LIPA: variants seen among roughly 807,000 people sequenced by gnomAD.
LIPA encodes the protein lipase A, lysosomal acid type.
LIPA carries 26 observed loss-of-function variants against 40.6 expected under a neutral mutation model. That is an observed-to-expected ratio of 0.64 (90% confidence interval 0.47 to 0.89). The LOEUF (loss-of-function observed/expected upper bound fraction) is 0.89, where lower values mean the gene tolerates loss of function less well. Ranked by LOEUF, LIPA falls within the 40% of genes least tolerant of loss-of-function variation. LIPA has a pLI of 0.00. For missense variants in LIPA, 455 were observed against 479.6 expected (o/e 0.95, Z 0.48); for synonymous variants, 188 against 168.4 (o/e 1.12, Z -0.90).
intron 1 of LIPA, among the ~76,000 whole-genome samples, chr10:89,251,447 C>A (rs1037756271): frequency 1.3e-5 from 2 of 152,212 alleles, no homozygotes; most frequent in Non-Finnish European, 2.9e-5. Context: ...CACTGGGCAG[C>A]TTCACTGACC....
At chr10:89,218,132 A>G (rs1010499190) in intron 8 of LIPA, among the ~76,000 whole-genome samples, 2 of 152,234 alleles carry the variant, frequency 1.3e-5, no homozygotes, top group African/African-American at 2.4e-5. Context: ...ACCGTTTTAA[A>G]ATGACATTTA....
intron 2 of LIPA, among the ~76,000 whole-genome samples, chr10:89,400,957 T>C (rs946240817): frequency 9.7e-6 from 1 of 102,938 alleles, no homozygotes; most frequent in Admixed American, 8.2e-5. Context: ...CTATAGTCTG[T>C]TTTTTTTTTC....
intron 2 of LIPA, among the ~76,000 whole-genome samples, chr10:89,367,340 A>C (rs1460506986): frequency 6.6e-6 from 1 of 152,182 alleles, no homozygotes; most frequent in Non-Finnish European, 1.5e-5. Context: ...AAAAAAAGAC[A>C]GAGATCTGCT....
At chr10:89,389,464 G>T (rs935516402) in intron 2 of LIPA, among the ~76,000 whole-genome samples, 1 of 152,128 alleles carries the variant, frequency 6.6e-6, no homozygotes, top group Admixed American at 6.5e-5. Flanking sequence ...ACCACCTAGG[G>T]GCTGAATTTG....
chr10:89,273,251 T>C (rs999959922), intron 1 of LIPA, among the ~76,000 whole-genome samples: 26 of 152,180 alleles, frequency 1.7e-4, no homozygotes, highest in African/African-American at 6.3e-4. Context: ...TAGAACATAT[T>C]GTCCCTCATT....
At chr10:89,260,546 T>G (rs1843202307) in intron 1 of LIPA, among the ~76,000 whole-genome samples, 1 of 152,194 alleles carries the variant, frequency 6.6e-6, no homozygotes, top group Non-Finnish European at 1.5e-5. Context: ...GGGGCAGCAG[T>G]TCCCCAGGAA....
At chr10:89,281,270 C>G (rs925665952) in intron 1 of LIPA, among the ~76,000 whole-genome samples, 1 of 152,126 alleles carries the variant, frequency 6.6e-6, no homozygotes, top group Non-Finnish European at 1.5e-5. Flanking sequence ...AATGCCCCCC[C>G]ACCCTGATAT....
At chr10:89,339,348 A>G (rs1295428265) in intron 1 of LIPA, 2 of 1,613,740 alleles carry the variant, frequency 1.2e-6, no homozygotes, top group Admixed American at 1.7e-5. Context: ...AGTTTGTTGA[A>G]GAAGCCTTGG....
At chr10:89,383,902 A>G in intron 2 of LIPA, 1 of 1,614,194 alleles carries the variant, frequency 6.2e-7, no homozygotes, top group Non-Finnish European at 8.5e-7. Context: ...AGCATCAGGG[A>G]GGAATAAGGC....
At chr10:89,229,756 A>G (rs1034057074) in intron 3 of LIPA, among the ~76,000 whole-genome samples, 1 of 151,278 alleles carries the variant, frequency 6.6e-6, no homozygotes, top group Non-Finnish European at 1.5e-5. Context: ...CAGTCTCAAA[A>G]AAAAAAAAAA....
intron 2 of LIPA, chr10:89,403,185 G>T (rs1341450767): frequency 6.2e-7 from 1 of 1,613,966 alleles, no homozygotes; most frequent in East Asian, 2.2e-5. Context: ...CCAAATCAAG[G>T]AGGCTACAAA....
chr10:89,346,923 G>A (rs916958014), upstream of LIPA, among the ~76,000 whole-genome samples: 9 of 152,290 alleles, frequency 5.9e-5, no homozygotes, highest in East Asian at 7.7e-4. Flanking sequence ...ACTCAGTCAG[G>A]CTTAGCCTGT....
At chr10:89,249,855 C>A (rs1371908848) in intron 1 of LIPA, among the ~76,000 whole-genome samples, 5 of 152,154 alleles carry the variant, frequency 3.3e-5, no homozygotes, top group Non-Finnish European at 7.4e-5. Context: ...AAAACTTATA[C>A]AATTGTACAA....
intron 1 of LIPA, among the ~76,000 whole-genome samples, chr10:89,248,408 C>T (rs565119026): frequency 3.5e-5 from 5 of 144,728 alleles, no homozygotes; most frequent in East Asian, 3.9e-4. Context: ...TGCCCGCCTC[C>T]GCCTCCCAAA....
rs1359555277 is a variant in LIPA at position 89,334,480 on chromosome 10, T to C, written c.-2+8131A>G. Among the ~76,000 whole-genome samples the C allele has an allele frequency of 1.8e-4, 3 of 17,016 alleles. No homozygotes were observed. In the East Asian group the frequency reaches 0.013, roughly 73 times the overall value. The allele number at this position is 17,016 out of a possible 152,430, so 11.2% of individuals were successfully genotyped here. A position where few individuals can be genotyped will look rare whatever the true frequency, so the allele number is the denominator to read the frequency against. On this transcript the variant is annotated intron_variant, in intron 1 of 5. Transcript: ENST00000282673. Reference sequence around the variant, plus strand: ...TTTTTTCTTCTTTTTCTTTTATTCTTTTTTTTTTTTTTTTTTTTTTTTTTT... The same window carrying C: ...TTTTTTCTTCTTTTTCTTTTATTCTCTTTTTTTTTTTTTTTTTTTTTTTTT...
At chr10:89,371,515 T>C (rs1326670216) in intron 2 of LIPA, among the ~76,000 whole-genome samples, 1 of 152,208 alleles carries the variant, frequency 6.6e-6, no homozygotes, top group East Asian at 1.9e-4. Context: ...AAATCAAATA[T>C]GTTCTAATCT....
At chr10:89,387,173 G>A (rs1288537320) in intron 2 of LIPA, among the ~76,000 whole-genome samples, 3 of 151,864 alleles carry the variant, frequency 2.0e-5, no homozygotes, top group East Asian at 1.9e-4. Flanking sequence ...AAAATTAGCC[G>A]GGCGTGGTGG....
chr10:89,402,237 G>A (rs1438857232), intron 2 of LIPA: 1 of 1,283,968 alleles, frequency 7.8e-7, no homozygotes, highest in African/African-American at 1.5e-5. Context: ...TTTTCTTTTA[G>A]CTGTTCCTCA....
At chr10:89,249,550 A>G (rs563454653) in intron 1 of LIPA, among the ~76,000 whole-genome samples, 38 of 152,288 alleles carry the variant, frequency 2.5e-4, no homozygotes, top group African/African-American at 8.2e-4. Context: ...TATACCTACT[A>G]CTCAGCTATA....
Sources: gnomAD v4.1 joint callset for allele counts (sites outside exome capture counted in the v4.1 genomes callset) on GRCh38, gnomAD v4.1.1 for gene constraint, MANE v1.5 for transcripts, NCBI Gene and HGNC (gene_info 2026-07-23, HGNC 2026-07-21) for gene names.